The following NKAIN2 variants were observed in gnomAD, a reference collection of about 807,000 sequenced individuals.
NKAIN2 encodes the protein sodium/potassium transporting ATPase interacting 2.
Under a neutral mutation model 32.6 loss-of-function variants are expected in NKAIN2, and 14 were observed. The ratio of observed to expected loss-of-function variants is 0.43; its 90% CI spans 0.28 to 0.67. NKAIN2 has a LOEUF of 0.67. Among genes scored for constraint, NKAIN2 ranks in the 30% least tolerant of loss-of-function variants. The pLI is 0.17. For synonymous variants in NKAIN2, 80 were observed against 87.2 expected (o/e 0.92, Z 0.46); for missense variants, 198 against 258.3 (o/e 0.77, Z 1.60).
At chr6:124,036,532 TCTC>T (rs1781610828) in intron 1 of NKAIN2, among the ~76,000 whole-genome samples, 2 of 152,214 alleles carry the variant, frequency 1.3e-5, no homozygotes, top group African/African-American at 4.8e-5. Flanking sequence ...GAATCTTTCA[TCTC>T]CTCTTTCACT....
intron 1 of NKAIN2, among the ~76,000 whole-genome samples, chr6:123,896,620 G>C (rs1774291440): frequency 1.3e-5 from 2 of 152,274 alleles, no homozygotes; most frequent in Non-Finnish European, 2.9e-5. Flanking sequence ...AAAGTGACTT[G>C]TCCAAGGTTG....
At chr6:124,649,084 GAGCAAAGGAAATCCAAACTA>G (rs1784276719) in intron 3 of NKAIN2, among the ~76,000 whole-genome samples, 1 of 151,898 alleles carries the variant, frequency 6.6e-6, no homozygotes. Context: ...GGAAAAAAAA[GAGCAAAGGAAATCCAAACTA>G]AGCAGAAGGA....
At chr6:124,224,209 G>A (rs1383161352) in intron 1 of NKAIN2, among the ~76,000 whole-genome samples, 1 of 152,052 alleles carries the variant, frequency 6.6e-6, no homozygotes, top group East Asian at 1.9e-4. Flanking sequence ...ACATATGCGT[G>A]CACATACACA....
At chr6:124,246,390 A>G (rs552876187) in intron 1 of NKAIN2, among the ~76,000 whole-genome samples, 58 of 151,968 alleles carry the variant, frequency 3.8e-4, no homozygotes, top group Non-Finnish European at 7.4e-4. Context: ...GACCTCCCCA[A>G]ATCTTCTTGA....
intron 1 of NKAIN2, among the ~76,000 whole-genome samples, chr6:124,235,668 A>G (rs1792712457): frequency 6.6e-6 from 1 of 150,552 alleles, no homozygotes; most frequent in South Asian, 2.1e-4. Context: ...GTGCGGTCTT[A>G]GCTCACTGCA....
intron 1 of NKAIN2, among the ~76,000 whole-genome samples, chr6:124,112,086 T>C (rs1785412518): frequency 6.6e-6 from 1 of 152,154 alleles, no homozygotes; most frequent in Non-Finnish European, 1.5e-5. Context: ...ATTAAATGTG[T>C]TTTACCCACC....
At chr6:124,468,204 A>T (rs1287133035) in intron 3 of NKAIN2, among the ~76,000 whole-genome samples, 2 of 152,120 alleles carry the variant, frequency 1.3e-5, no homozygotes, top group Non-Finnish European at 2.9e-5. Flanking sequence ...ATTCTTTAAA[A>T]TTTTCAAGAT....
At chr6:124,105,578 G>A (rs562471579) in intron 1 of NKAIN2, among the ~76,000 whole-genome samples, 3 of 152,284 alleles carry the variant, frequency 2.0e-5, no homozygotes, top group African/African-American at 7.2e-5. Flanking sequence ...CTCTGGAGAA[G>A]CACAGAGACT....
intron 6 of NKAIN2, among the ~76,000 whole-genome samples, chr6:124,822,731 C>CA (rs906777744): frequency 2.6e-5 from 4 of 151,424 alleles, no homozygotes; most frequent in South Asian, 2.1e-4. Flanking sequence ...AGTTGCTGCA[C>CA]AAAAAAAATC....
At chr6:124,437,938 A>C (rs1276668300) in intron 3 of NKAIN2, 1 of 378,720 alleles carries the variant, frequency 2.6e-6, no homozygotes, top group South Asian at 1.8e-5. Context: ...TTTTCTCAAT[A>C]GTTATTATTT....
chr6:124,243,828 C>T (rs1289658663), intron 1 of NKAIN2, among the ~76,000 whole-genome samples: 1 of 151,978 alleles, frequency 6.6e-6, no homozygotes, highest in Non-Finnish European at 1.5e-5. Flanking sequence ...CACAAAGTGA[C>T]CACGTTATAT....
intron 1 of NKAIN2, among the ~76,000 whole-genome samples, chr6:123,940,890 A>G (rs1776786144): frequency 6.6e-6 from 1 of 152,018 alleles, no homozygotes; most frequent in Non-Finnish European, 1.5e-5. Flanking sequence ...AGCTTGCTGT[A>G]ATATTTTTAC....
chr6:124,415,878 C>CTTTTTTTT lies in NKAIN2; in HGVS notation c.273+60541_273+60548dup. Among the ~76,000 whole-genome samples, 165 of 72,564 alleles carry CTTTTTTTT rather than the reference C, an allele frequency of 2.3e-3. 5 individuals carry two copies. Among genetic ancestry groups the CTTTTTTTT allele is most frequent in the East Asian group, 4.1e-3 (8 of 1,932 alleles). The allele number at this position is 72,564 out of a possible 152,430, so 47.6% of individuals were successfully genotyped here. Reference sequence around the variant, plus strand: ...TTTTTTAATTTGCTTTTTTTATTTGCTTTTTTTTTTTTTTTTTGCTAATTT... The same window carrying CTTTTTTTT: ...TTTTTTAATTTGCTTTTTTTATTTGCTTTTTTTTTTTTTTTTTTTTTTTTTGCTAATTT... On this transcript the variant is annotated intron_variant, in intron 3 of 6. Transcript: ENST00000368417.
At chr6:124,326,527 A>G (rs922753614) in intron 2 of NKAIN2, among the ~76,000 whole-genome samples, 1 of 152,098 alleles carries the variant, frequency 6.6e-6, no homozygotes, top group African/African-American at 2.4e-5. Flanking sequence ...ATTTTTCAAG[A>G]CAATGCTTCA....
Position 124,788,450 on chromosome 6 carries a change from A to T in NKAIN2, c.475-2889A>T, listed in dbSNP as rs574777704. ...CACTGCTAATAAAGACATACCCGAG[A>T]CTGGGTAATTTAAAAAGGAAAGAAG... is the stretch of plus-strand genomic sequence containing the variant. On this transcript the variant is annotated intron_variant, in intron 4 of 6. Coordinates refer to ENST00000368417, the MANE Select transcript of NKAIN2 (RefSeq NM_001040214.3). Among the ~76,000 whole-genome samples, 19 of 152,182 alleles carry T rather than the reference A, an allele frequency of 1.2e-4. 1 individual carries two copies. In the East Asian group the frequency reaches 3.5e-3, roughly 28 times the overall value.
rs557501880 is a variant in NKAIN2, at chr6:123,851,327, A to G, written c.54+47073A>G. Among the ~76,000 whole-genome samples, 149 of 135,522 alleles carry G rather than the reference A, an allele frequency of 1.1e-3. 1 individual carries two copies. The highest frequency in any genetic ancestry group is 4.3e-3 in the African/African-American group (148 of 34,650). The allele number at this position is 135,522 out of a possible 152,430, so 88.9% of individuals were successfully genotyped here. A position where few individuals can be genotyped will look rare whatever the true frequency, so the allele number is the denominator to read the frequency against. Reference sequence around the variant, plus strand: ...TGCAATGGTGCAATCTCGGCTCACTACAACCTCCGCCTCCTAGGTTCAAGC... The same window carrying G: ...TGCAATGGTGCAATCTCGGCTCACTGCAACCTCCGCCTCCTAGGTTCAAGC... On this transcript the variant is annotated intron_variant, in intron 1 of 6. Transcript: ENST00000368417.
intron 5 of NKAIN2, among the ~76,000 whole-genome samples, chr6:124,806,030 G>A (rs1197298074): frequency 6.6e-6 from 1 of 151,566 alleles, no homozygotes. Flanking sequence ...ACCTGAAAGT[G>A]ACGGGGAGAA....
chr6:123,953,793 G>A (rs1777435492), intron 1 of NKAIN2, among the ~76,000 whole-genome samples: 1 of 152,186 alleles, frequency 6.6e-6, no homozygotes, highest in Non-Finnish European at 1.5e-5. Context: ...TGATCCCCAA[G>A]CCCAAGGCAG....
chr6:124,687,329 T>TACATA (rs1773969187), intron 4 of NKAIN2, among the ~76,000 whole-genome samples: 1 of 141,052 alleles, frequency 7.1e-6, no homozygotes, highest in Non-Finnish European at 1.5e-5. Flanking sequence ...AATATATATA[T>TACATA]TCCATACATA....
Sources: gnomAD v4.1 joint callset for allele counts (sites outside exome capture counted in the v4.1 genomes callset) on GRCh38, gnomAD v4.1.1 for gene constraint, MANE v1.5 for transcripts, NCBI Gene and HGNC (gene_info 2026-07-23, HGNC 2026-07-21) for gene names.